Variants in HIVEP2 observed in about 807,000 individuals in gnomAD.
HIVEP2 encodes transcription factor HIVEP2.
HIVEP2 carries 14 observed loss-of-function variants against 180.7 expected under a neutral mutation model. That is an observed-to-expected ratio of 0.08 (90% CI 0.05 to 0.12). The LOEUF (loss-of-function observed/expected upper bound fraction) is 0.12, where lower values mean the gene tolerates loss of function less well. Ranked by LOEUF, HIVEP2 falls within the 10% of genes least tolerant of loss-of-function variation. HIVEP2 has a pLI of 1.00. For synonymous variants in HIVEP2, 1,184 were observed against 1,136.4 expected, an observed-to-expected ratio of 1.04 and a Z score of -0.84; for missense variants, 2,579 against 3,008.5, an observed-to-expected ratio of 0.86 and a Z score of 3.34.
At chr6:142,930,826 AC>A (rs1777926644) in intron 1 of HIVEP2, among the ~76,000 whole-genome samples, 1 of 152,172 alleles carries the variant, frequency 6.6e-6, no homozygotes, top group Non-Finnish European at 1.5e-5. Flanking sequence ...TTCAAGTAAA[AC>A]AAAATTATTT....
rs1683752865 is a variant in HIVEP2, at chr6:142,774,878, T to C, written c.-140A>G. On this transcript the variant is annotated 5_prime_UTR_variant, in exon 5 of 10. Transcript: ENST00000367603. This position sits in a 1 kb window ranked among gnomAD's most constrained non-coding sequence, Gnocchi z 5.1. Reference sequence around the variant, plus strand: ...AAACTTGCTGATTGCTCCTTCTCTTTGGAACCTTCCACACGCACACCACAG... The same window carrying C: ...AAACTTGCTGATTGCTCCTTCTCTTCGGAACCTTCCACACGCACACCACAG... 6.6e-7 allele frequency: 1 copy of C among 1,506,816 alleles called. No homozygotes were observed. The highest frequency in any genetic ancestry group is 1.4e-5 in the African/African-American group (1 of 71,804). 93.3% of individuals were successfully genotyped at this position (1,506,816 alleles called of 1,614,324 possible).
chr6:142,768,681 A>G (rs1775437771), intron 5 of HIVEP2, 145 bp from the exon 6 acceptor site: 2 of 694,476 alleles, frequency 2.9e-6, no homozygotes, highest in South Asian at 3.7e-5. Flanking sequence ...AAGGACCACT[A>G]GGGATAAAAT....
intron 9 of HIVEP2, 92 bp downstream of exon 9, chr6:142,759,680 C>A (rs1191153777): frequency 1.1e-5 from 11 of 973,290 alleles, no homozygotes; most frequent in Non-Finnish European, 1.7e-5. Flanking sequence ...ATGACAGATA[C>A]CCATGTTCTA....
chr6:142,770,170 A>C lies in HIVEP2; in HGVS notation c.4569T>G (p.Ser1523=). The C allele has an allele frequency of 6.2e-7, 1 of 1,614,200 alleles. No individual in the cohort carries two copies. Among genetic ancestry groups the C allele is most frequent in the Non-Finnish European group, 8.5e-7 (1 of 1,180,044 alleles). The stretch of plus-strand genomic sequence containing the variant: ...ACGGGCTAACAGAAGGATAGTCTTG[A>C]GATGAGGAGGGCGACAGCGAGGAGA... ...SSFSSLSPSS[S]QDYPSVSPSS... Residue 1523 remains serine (S), a synonymous_variant, in exon 5 of 10, where the codon TCT becomes TCG. Transcript: ENST00000367603. The surrounding 1 kb of genome is among the most constrained non-coding windows in gnomAD (Gnocchi z 4.7).
At chr6:142,766,471 AC>A (rs1775381920) in intron 6 of HIVEP2, among the ~76,000 whole-genome samples, 1 of 152,166 alleles carries the variant, frequency 6.6e-6, no homozygotes, top group Non-Finnish European at 1.5e-5. Context: ...TCTGCCCCTA[AC>A]TAGATGAAAT....
intron 2 of HIVEP2, among the ~76,000 whole-genome samples, chr6:142,790,953 A>C (rs1776123217): frequency 6.6e-6 from 1 of 152,208 alleles, no homozygotes; most frequent in Non-Finnish European, 1.5e-5. Context: ...GTCTACACAC[A>C]ATAAAAATCT....
chr6:142,873,232 A>T (rs1322250810), intron 1 of HIVEP2, among the ~76,000 whole-genome samples: 1 of 152,188 alleles, frequency 6.6e-6, no homozygotes, highest in East Asian at 1.9e-4. Flanking sequence ...ACCTTTTGGG[A>T]AATCCTTTAT....
chr6:142,886,139 A>G (rs1776692601), intron 1 of HIVEP2, among the ~76,000 whole-genome samples: 1 of 152,202 alleles, frequency 6.6e-6, no homozygotes, highest in Non-Finnish European at 1.5e-5. Context: ...AGAAATAATT[A>G]CCACATGTAT....
chr6:142,876,893 G>A (rs1776453509), intron 1 of HIVEP2, among the ~76,000 whole-genome samples: 1 of 150,934 alleles, frequency 6.6e-6, no homozygotes. Flanking sequence ...AACACAAAAT[G>A]CAAACATTAG....
rs752474553 is a variant in HIVEP2, at chr6:142,760,148, G to T, written c.6140C>A (p.Ser2047Tyr). The T allele has an allele frequency of 1.9e-6, 3 of 1,614,064 alleles. No individual in the cohort carries two copies. In the East Asian group the frequency reaches 6.7e-5, roughly 36 times the overall value. Residue 2047 changes from serine to tyrosine, a missense_variant, in exon 9 of 10, where the codon TCT (serine) becomes TAT (tyrosine). Around this residue, in one of 11 missense-constraint regions of HIVEP2, gnomAD observed 660 missense variants for 731.7 expected, o/e 0.90. Coordinates refer to ENST00000367603, the MANE Select transcript of HIVEP2 (RefSeq NM_006734.4). Reference protein sequence around the residue: ...RDFSPSSHHSSPGYDSSPCRD... With the variant: ...RDFSPSSHHSYPGYDSSPCRD... ...ACAGGGTGAAGAATCATATCCTGGA[G>T]AGGAATGGTGGCTTGAGGGTGAGAA...
At chr6:142,857,296 CA>C (rs1363343043) in intron 1 of HIVEP2, among the ~76,000 whole-genome samples, 5 of 151,862 alleles carry the variant, frequency 3.3e-5, no homozygotes, top group African/African-American at 1.2e-4. Context: ...AGAATTCAAA[CA>C]GTTCTTCTAC....
intron 1 of HIVEP2, among the ~76,000 whole-genome samples, chr6:142,916,861 CA>C (rs1338288553): frequency 8.5e-5 from 13 of 152,118 alleles, no homozygotes; most frequent in Non-Finnish European, 1.9e-4. Flanking sequence ...CAACAGTAAG[CA>C]AATATCCTTT....
chr6:142,768,569 G>A (rs1775433299), intron 5 of HIVEP2, 33 bp from the exon 6 acceptor site: 6 of 1,606,448 alleles, frequency 3.7e-6, no homozygotes, highest in Non-Finnish European at 4.2e-6. Context: ...CATTTCACAT[G>A]CTTTCTCCAA....
intron 2 of HIVEP2, among the ~76,000 whole-genome samples, chr6:142,820,132 T>C (rs1265342575): frequency 6.6e-6 from 1 of 152,206 alleles, no homozygotes; most frequent in Admixed American, 6.5e-5. Context: ...CCGATTTAAT[T>C]GCTGATGGAA....
chr6:142,785,895 A>G (rs1479603776), intron 2 of HIVEP2, among the ~76,000 whole-genome samples: 1 of 152,204 alleles, frequency 6.6e-6, no homozygotes, highest in East Asian at 1.9e-4. Context: ...TCCTTACCTT[A>G]AAGAAAGTTC....
intron 1 of HIVEP2, among the ~76,000 whole-genome samples, chr6:142,880,878 CA>C (rs1776561064): frequency 6.6e-6 from 1 of 152,174 alleles, no homozygotes; most frequent in South Asian, 2.1e-4. Context: ...GTCTTCTCCC[CA>C]GCAGTTCTGG....
At position 142,753,243 on chromosome 6, in the gene HIVEP2, G is replaced by A; in HGVS notation, c.7205C>T (p.Thr2402Ile). 1.9e-6 allele frequency: 3 copies of A among 1,614,206 alleles called. No individual in the cohort carries two copies. The East Asian group carries it at 6.7e-5, about 36-fold the overall frequency. ...GTAAAACGTGGAGTGAGCTAATGGA[G>A]TCTGTGATGTACCAAAATTGTCCTT... ...GEKDNFGTSQ[T>I]PLAHSTFYSK... The change falls in exon 10 of 10, where the codon ACT becomes ATT. Residue 2402 changes from threonine to isoleucine, a missense_variant. Around this residue, in one of 11 missense-constraint regions of HIVEP2, gnomAD observed 660 missense variants for 731.7 expected, o/e 0.90. Coordinates refer to ENST00000367603, the MANE Select transcript of HIVEP2 (RefSeq NM_006734.4).
chr6:142,861,928 A>T (rs888492696), intron 1 of HIVEP2, among the ~76,000 whole-genome samples: 1 of 152,174 alleles, frequency 6.6e-6, no homozygotes, highest in African/African-American at 2.4e-5. Flanking sequence ...CTGCAGGAAG[A>T]TGGGGGAAAT....
intron 2 of HIVEP2, among the ~76,000 whole-genome samples, chr6:142,836,545 C>G (rs1019859760): frequency 6.6e-6 from 1 of 152,126 alleles, no homozygotes; most frequent in Admixed American, 6.5e-5. Context: ...TGCTAATTTA[C>G]TTCAAATGTT....
Sources: allele counts gnomAD v4.1 joint callset (sites outside exome capture counted in the v4.1 genomes callset), GRCh38; gene constraint gnomAD v4.1.1; regional missense constraint gnomAD v4.1.1; non-coding constraint Gnocchi (gnomAD v3.1); transcripts MANE v1.5; gene names NCBI Gene and HGNC (gene_info 2026-07-23, HGNC 2026-07-21).